Variants in PLEKHA5 observed in about 807,000 individuals in gnomAD.
PLEKHA5 encodes the protein pleckstrin homology domain-containing family A member 5.
In PLEKHA5, 55 loss-of-function variants were observed where a neutral mutation model predicts 181.9. That is an observed-to-expected ratio of 0.30 (90% CI 0.24 to 0.38). The LOEUF (loss-of-function observed/expected upper bound fraction) is 0.38. Ranked by LOEUF, PLEKHA5 falls within the 10% of genes least tolerant of loss-of-function variation. The probability of loss-of-function intolerance (pLI) is 1.00; values close to 1 mark genes in which losing one functional copy is unlikely to be tolerated. For synonymous variants in PLEKHA5, 535 were observed against 529.4 expected (o/e 1.01, Z -0.15); for missense variants, 1,432 against 1,549.5 (o/e 0.92, Z 1.27).
At chr12:19,150,167 T>A (rs1226613235) in intron 3 of PLEKHA5, 1 of 152,252 alleles carries the variant, frequency 6.6e-6, no homozygotes, top group Non-Finnish European at 1.5e-5. Context: ...TGTGGACATG[T>A]GTGGGATGAC....
chr12:19,169,997 A>T (rs1207434451), intron 3 of PLEKHA5, among the ~76,000 whole-genome samples: 1 of 152,230 alleles, frequency 6.6e-6, no homozygotes. Flanking sequence ...AAACAAATTC[A>T]TATTTAGTCA....
chr12:19,260,518 G>A (rs1317506959), intron 6 of PLEKHA5, among the ~76,000 whole-genome samples: 2 of 152,078 alleles, frequency 1.3e-5, no homozygotes, highest in Non-Finnish European at 2.9e-5. Context: ...TTTTAGATAG[G>A]TTATATTACA....
chr12:19,198,905 A>G (rs2053576087), intron 3 of PLEKHA5, among the ~76,000 whole-genome samples: 1 of 152,172 alleles, frequency 6.6e-6, no homozygotes, highest in Non-Finnish European at 1.5e-5. Context: ...ACCATTACTC[A>G]GCAGCAAAAT....
At chr12:19,249,406 G>A (rs1009934802) in intron 3 of PLEKHA5, among the ~76,000 whole-genome samples, 2 of 152,074 alleles carry the variant, frequency 1.3e-5, no homozygotes, top group Non-Finnish European at 2.9e-5. Context: ...CTGGACAAAG[G>A]GATGATTCAC....
intron 3 of PLEKHA5, among the ~76,000 whole-genome samples, chr12:19,172,114 A>C (rs191586608): frequency 6.6e-6 from 1 of 152,244 alleles, no homozygotes; most frequent in African/African-American, 2.4e-5. Flanking sequence ...AGCCATTAAC[A>C]GTCATTTATC....
At chr12:19,163,256 A>G (rs1308156381) in intron 3 of PLEKHA5, among the ~76,000 whole-genome samples, 1 of 151,532 alleles carries the variant, frequency 6.6e-6, no homozygotes, top group Non-Finnish European at 1.5e-5. Flanking sequence ...GGCTCACTGC[A>G]AACTCCACCT....
chr12:19,324,807 T>G (rs1052942971), intron 20 of PLEKHA5, among the ~76,000 whole-genome samples: 1 of 152,176 alleles, frequency 6.6e-6, no homozygotes, highest in African/African-American at 2.4e-5. Context: ...TGTGAGAGGA[T>G]AGAAAATGTG....
chr12:19,333,143 G>T (rs1255477962), intron 20 of PLEKHA5, among the ~76,000 whole-genome samples: 1 of 152,026 alleles, frequency 6.6e-6, no homozygotes, highest in Non-Finnish European at 1.5e-5. Flanking sequence ...AAATTAGCCG[G>T]ACATGGTGGC....
chr12:19,284,133 A>G (rs560307925), intron 12 of PLEKHA5, among the ~76,000 whole-genome samples: 2 of 152,222 alleles, frequency 1.3e-5, no homozygotes, highest in East Asian at 3.9e-4. Context: ...CAGAGGCATA[A>G]TCTCAGCTCA....
intron 3 of PLEKHA5, among the ~76,000 whole-genome samples, chr12:19,155,689 G>A: frequency 6.6e-6 from 1 of 152,130 alleles, no homozygotes; most frequent in East Asian, 1.9e-4. Flanking sequence ...AGATTACAAG[G>A]GCCTTCACTT....
At chr12:19,368,590 C>G (rs554963125) in intron 30 of PLEKHA5, among the ~76,000 whole-genome samples, 1 of 152,182 alleles carries the variant, frequency 6.6e-6, no homozygotes, top group Non-Finnish European at 1.5e-5. Flanking sequence ...GTTTGGAGTT[C>G]GAGACCAGCC....
At chr12:19,290,310 G>A (rs2078134065) in intron 13 of PLEKHA5, among the ~76,000 whole-genome samples, 1 of 152,158 alleles carries the variant, frequency 6.6e-6, no homozygotes, top group Non-Finnish European at 1.5e-5. Flanking sequence ...GGGAAAAGGT[G>A]TAATTTTTTT....
chr12:19,211,627 T>C (rs2056922645), intron 3 of PLEKHA5, among the ~76,000 whole-genome samples: 1 of 152,174 alleles, frequency 6.6e-6, no homozygotes, highest in Admixed American at 6.5e-5. Context: ...CTATTTTAAG[T>C]CAATAGAAGA....
At chr12:19,267,668 C>A (rs1264036856) in intron 8 of PLEKHA5, among the ~76,000 whole-genome samples, 3 of 132,158 alleles carry the variant, frequency 2.3e-5, no homozygotes, top group South Asian at 2.7e-4. Context: ...CCTCCCCCAA[C>A]CCCCCAAAAA....
chr12:19,304,746 G>T (rs1270000551), intron 15 of PLEKHA5, among the ~76,000 whole-genome samples: 1 of 149,626 alleles, frequency 6.7e-6, no homozygotes, highest in Non-Finnish European at 1.5e-5. Flanking sequence ...GTTTTATGGG[G>T]GCCGGGGGGC....
chr12:19,334,880 G>GCA (rs1198787975), intron 20 of PLEKHA5, among the ~76,000 whole-genome samples: 4 of 60,422 alleles, frequency 6.6e-5, no homozygotes, highest in Non-Finnish European at 1.3e-4. Context: ...CTCTGTATAC[G>GCA]CACACACACA....
At chr12:19,183,774 C>A (rs1254796066) in intron 3 of PLEKHA5, among the ~76,000 whole-genome samples, 1 of 152,100 alleles carries the variant, frequency 6.6e-6, no homozygotes, top group Non-Finnish European at 1.5e-5. Flanking sequence ...AGCACAGTGG[C>A]GTGATCTTGG....
At chr12:19,209,402 G>A (rs1231664044) in intron 3 of PLEKHA5, among the ~76,000 whole-genome samples, 1 of 152,138 alleles carries the variant, frequency 6.6e-6, no homozygotes, top group Non-Finnish European at 1.5e-5. Context: ...TCTTGTTCAT[G>A]CCCTAATTGA....
intron 16 of PLEKHA5, 89 bp from the exon 17 acceptor site, chr12:19,319,932 G>A (rs2090174564): frequency 1.2e-6 from 1 of 816,222 alleles, no homozygotes; most frequent in African/African-American, 1.8e-5. Flanking sequence ...ACTATCCATA[G>A]TTTATAACAT....
Sources: allele counts gnomAD v4.1 joint callset (sites outside exome capture counted in the v4.1 genomes callset), GRCh38; gene constraint gnomAD v4.1.1; transcripts MANE v1.5; gene names NCBI Gene and HGNC (gene_info 2026-07-23, HGNC 2026-07-21).